ZNF670: variants seen among roughly 807,000 people sequenced by gnomAD.
ZNF670 encodes the protein zinc finger protein 670.
Under a neutral mutation model 10.9 loss-of-function variants are expected in ZNF670, and 7 were observed. The ratio of observed to expected loss-of-function variants is 0.64; its 90% confidence interval spans 0.36 to 1.20. The LOEUF (loss-of-function observed/expected upper bound fraction) is 1.20. Ranked by LOEUF, ZNF670 falls within the 50% of genes most tolerant of loss-of-function variation. The pLI is 0.02. For synonymous variants in ZNF670, 136 were observed against 152.7 expected, an observed-to-expected ratio of 0.89 and a Z score of 0.81; for missense variants, 446 against 458.6, an observed-to-expected ratio of 0.97 and a Z score of 0.25.
intron 1 of ZNF670, among the ~76,000 whole-genome samples, chr1:247,077,225 A>G (rs1671274950): frequency 6.6e-6 from 1 of 152,200 alleles, no homozygotes; most frequent in Non-Finnish European, 1.5e-5. Flanking sequence ...AACGAAGAGT[A>G]TACTAGGAGA....
intron 1 of ZNF670, among the ~76,000 whole-genome samples, chr1:247,053,263 T>C (rs570107526): frequency 4.5e-4 from 69 of 152,298 alleles, no homozygotes; most frequent in African/African-American, 1.6e-3. Flanking sequence ...CTGCTGTGAC[T>C]TCTGTCCCTG....
chr1:247,054,812 A>AAATAAT (rs58519181), intron 1 of ZNF670, among the ~76,000 whole-genome samples: 2 of 152,024 alleles, frequency 1.3e-5, no homozygotes, highest in African/African-American at 2.4e-5. Context: ...TGCTTGTCTC[A>AAATAAT]AATAATAATA....
chr1:247,037,579 G>A lies in ZNF670; in HGVS notation c.1040C>T (p.Thr347Ile), dbSNP rs528107236. 6.2e-7 allele frequency: 1 copy of A among 1,614,010 alleles called. No homozygotes were observed. The highest frequency in any genetic ancestry group is 1.1e-5 in the South Asian group (1 of 91,072). The change falls in exon 4 of 4, where the codon ACT (threonine) becomes ATT (isoleucine). Residue 347 changes from threonine to isoleucine, a missense_variant. By Grantham distance (89) the Thr-to-Ile change is moderately conservative. Transcript: ENST00000366503. Reference protein sequence around the residue: ...YGCKECGKSFTSSSALRSHER... With the variant: ...YGCKECGKSFISSSALRSHER... ...ATGGCTTCGAAGGGCACTGGAAGAA[G>A]TAAACGACTTACCACATTCCTTACA...
intron 1 of ZNF670, among the ~76,000 whole-genome samples, chr1:247,056,060 A>G (rs1042385070): frequency 5.3e-5 from 8 of 151,922 alleles, no homozygotes; most frequent in African/African-American, 1.7e-4. Flanking sequence ...ACCCCAAAAC[A>G]ATAACAGCTA....
intron 1 of ZNF670, among the ~76,000 whole-genome samples, chr1:247,059,970 G>A (rs933785962): frequency 2.3e-4 from 35 of 152,150 alleles, no homozygotes; most frequent in South Asian, 2.1e-4. Flanking sequence ...CATTTCTAAT[G>A]ATAGAAAAAA....
chr1:247,037,547 T>A lies in ZNF670; in HGVS notation c.1072A>T (p.Thr358Ser). 6.2e-7 allele frequency: 1 copy of A among 1,614,028 alleles called. No individual in the cohort carries two copies. Among genetic ancestry groups the A allele is most frequent in the South Asian group, 1.1e-5 (1 of 91,080 alleles). The change falls in exon 4 of 4, where the codon ACT (threonine) becomes TCT (serine). Residue 358 changes from threonine (T) to serine (S), a missense_variant. Transcript: ENST00000366503. Reference sequence around the variant, plus strand: ...TCATAGGGTTTTTCTCCAGTATGAGTCCTTTCATGGCTTCGAAGGGCACTG... The same window carrying A: ...TCATAGGGTTTTTCTCCAGTATGAGACCTTTCATGGCTTCGAAGGGCACTG... ...SSSALRSHER[T>S]HTGEKPYECK...
intron 1 of ZNF670, among the ~76,000 whole-genome samples, chr1:247,040,724 C>T (rs1670283764): frequency 1.3e-5 from 2 of 151,838 alleles, no homozygotes; most frequent in African/African-American, 4.8e-5. Context: ...TGGAGATTTA[C>T]TCTTGTTGCC....
At position 247,038,294 on chromosome 1, in the gene ZNF670, C is replaced by T; in HGVS notation, c.325G>A (p.Gly109Arg). Reference protein sequence around the residue: ...GVKPCECSVCGKVFICHSALH... With the variant: ...GVKPCECSVCRKVFICHSALH... ...GCTGAATGACATATGAAGACTTTTC[C>T]ACACACACTGCATTCACATGGCTTT... The change falls in exon 4 of 4, where the codon GGA becomes AGA. Residue 109 changes from glycine (G) to arginine (R), a missense_variant. Coordinates refer to ENST00000366503, the MANE Select transcript of ZNF670 (RefSeq NM_033213.5). 1.9e-6 allele frequency: 3 copies of T among 1,614,072 alleles called. No homozygotes were observed. Among genetic ancestry groups the T allele is most frequent in the East Asian group, 2.2e-5 (1 of 44,870 alleles).
rs577370261 is a variant in ZNF670 at position 247,059,510 on chromosome 1, A to T, written c.3+19084T>A. Among the ~76,000 whole-genome samples the T allele has an allele frequency of 1.9e-3, 296 of 152,166 alleles. 2 individuals carry two copies. Among genetic ancestry groups the T allele is most frequent in the Middle Eastern group, 3.4e-3 (1 of 294 alleles). ...ACAAAAATAAAAAATAAAATAAAAA[A>T]TATACACCCACCCAAATAGGAATTA... is the stretch of plus-strand genomic sequence containing the variant. On this transcript the variant is annotated intron_variant, in intron 1 of 3. Transcript: ENST00000366503.
At chr1:247,074,649 C>T (rs1013757916) in intron 1 of ZNF670, among the ~76,000 whole-genome samples, 5 of 152,136 alleles carry the variant, frequency 3.3e-5, no homozygotes, top group South Asian at 2.1e-4. Context: ...CACTGTTCTA[C>T]CTCAGATCAT....
chr1:247,041,544 G>A (rs765361686), intron 1 of ZNF670, among the ~76,000 whole-genome samples: 10 of 152,138 alleles, frequency 6.6e-5, no homozygotes, highest in Admixed American at 2.0e-4. Context: ...CATGGCAAAC[G>A]GGTTACTCAC....
chr1:247,059,438 T>C (rs1275823162), intron 1 of ZNF670, among the ~76,000 whole-genome samples: 1 of 151,848 alleles, frequency 6.6e-6, no homozygotes, highest in African/African-American at 2.4e-5. Flanking sequence ...AGGGCGAGAC[T>C]CTGTCTCAAA....
At chr1:247,066,248 C>A (rs4925529) in intron 1 of ZNF670, among the ~76,000 whole-genome samples, 22,174 of 152,048 alleles carry the variant, frequency 0.15, 1,743 homozygotes, top group Middle Eastern at 0.23. Context: ...AAGGTGGGAA[C>A]CCCACCCAGG....
intron 1 of ZNF670, among the ~76,000 whole-genome samples, chr1:247,073,488 T>C (rs1046851066): frequency 2.6e-5 from 4 of 151,998 alleles, no homozygotes; most frequent in Non-Finnish European, 5.9e-5. Context: ...CCTGAGCAAT[T>C]GGAAATTTAA....
chr1:247,053,358 C>T (rs547263492), intron 1 of ZNF670, among the ~76,000 whole-genome samples: 3 of 152,136 alleles, frequency 2.0e-5, no homozygotes, highest in Non-Finnish European at 4.4e-5. Flanking sequence ...TTCAGGCCGG[C>T]GCGGTGGCTC....
At chr1:247,061,542 TACA>T (rs1366509181) in intron 1 of ZNF670, among the ~76,000 whole-genome samples, 3 of 152,142 alleles carry the variant, frequency 2.0e-5, no homozygotes, top group Non-Finnish European at 2.9e-5. Context: ...GAAAAAACTA[TACA>T]ACGATATTTA....
Position 247,069,644 on chromosome 1 carries a change from T to C in ZNF670, c.3+8950A>G, listed in dbSNP as rs189661647. Among the ~76,000 whole-genome samples the C allele has an allele frequency of 2.2e-4, 34 of 151,970 alleles. No homozygotes were observed. The East Asian group carries it at 6.0e-3, about 27-fold the overall frequency. On this transcript the variant is annotated intron_variant, in intron 1 of 3. Transcript: ENST00000366503. ...ATAAAGAAAATGTACATACACACAG[T>C]GGAGAACTATTCAGCCATAAGAAAG...
chr1:247,078,516 G>T, intron 1 of ZNF670, 78 bp downstream of exon 1: 1 of 1,586,254 alleles, frequency 6.3e-7, no homozygotes, highest in Non-Finnish European at 8.6e-7. Flanking sequence ...CGGCACCGCG[G>T]GGAGGTCCGG....
At position 247,039,551 on chromosome 1, in the gene ZNF670, C is replaced by T. The variant is rs774391086; in HGVS notation, c.4-14G>A. On this transcript the variant is annotated splice_polypyrimidine_tract_variant and intron_variant, in intron 1 of 3. Transcript: ENST00000366503. ...TGACACTGAATCCTAGAATATCGCACATATGTGGAGAGGAGGATGGCTTAG... is the reference window on the plus strand; with the variant it reads ...TGACACTGAATCCTAGAATATCGCATATATGTGGAGAGGAGGATGGCTTAG... The T allele has an allele frequency of 6.4e-7, 1 of 1,568,704 alleles. No homozygotes were observed.
Sources: gnomAD v4.1 joint callset for allele counts (sites outside exome capture counted in the v4.1 genomes callset) on GRCh38, gnomAD v4.1.1 for gene constraint, MANE v1.5 for transcripts, NCBI Gene and HGNC (gene_info 2026-07-23, HGNC 2026-07-21) for gene names.